The following EXOC4 variants were observed in gnomAD, a reference collection of about 807,000 sequenced individuals.
EXOC4 encodes the protein SEC8-like 1.
A neutral mutation model predicts 107.2 loss-of-function variants in EXOC4; 71 were observed. The ratio of observed to expected loss-of-function variants is 0.66; its 90% CI spans 0.55 to 0.81. The LOEUF is 0.81. Ranked by LOEUF, EXOC4 falls within the 30% of genes least tolerant of loss-of-function variation. The pLI, the probability that EXOC4 is intolerant of heterozygous loss-of-function variation, is 0.00. For synonymous variants in EXOC4, 456 were observed against 441.2 expected (o/e 1.03, Z -0.42); for missense variants, 1,108 against 1,189.6 (o/e 0.93, Z 1.01).
intron 7 of EXOC4, among the ~76,000 whole-genome samples, chr7:133,456,179 C>G (rs1798459046): frequency 6.6e-6 from 1 of 152,210 alleles, no homozygotes; most frequent in Non-Finnish European, 1.5e-5. Flanking sequence ...TATCCATTAT[C>G]ATTAATGATC....
chr7:133,401,410 C>T (rs1318522890), intron 7 of EXOC4, among the ~76,000 whole-genome samples: 1 of 151,834 alleles, frequency 6.6e-6, no homozygotes, highest in Non-Finnish European at 1.5e-5. Context: ...TCCCGTAATA[C>T]CAGAACTTTG....
intron 10 of EXOC4, among the ~76,000 whole-genome samples, chr7:133,694,948 G>C (rs569029635): frequency 2.0e-5 from 3 of 152,050 alleles, no homozygotes; most frequent in African/African-American, 7.2e-5. Context: ...TCAGCCTCCC[G>C]AGTAGCTGGG....
chr7:133,680,007 T>G (rs889965546), intron 10 of EXOC4, among the ~76,000 whole-genome samples: 8 of 152,174 alleles, frequency 5.3e-5, no homozygotes, highest in African/African-American at 1.4e-4. Flanking sequence ...TTTATTTAAG[T>G]AATTTATATG....
At chr7:133,821,168 G>T (rs1797511859) in intron 11 of EXOC4, among the ~76,000 whole-genome samples, 1 of 152,204 alleles carries the variant, frequency 6.6e-6, no homozygotes, top group East Asian at 1.9e-4. Flanking sequence ...CACTTTAGTA[G>T]CATTTACTGT....
intron 17 of EXOC4, among the ~76,000 whole-genome samples, chr7:134,037,746 C>T (rs759652349): frequency 1.3e-5 from 2 of 152,194 alleles, no homozygotes; most frequent in Non-Finnish European, 2.9e-5. Flanking sequence ...AGCAATTGCT[C>T]TAGGTTCAAA....
At chr7:133,579,989 C>G (rs1364709350) in intron 9 of EXOC4, among the ~76,000 whole-genome samples, 4 of 152,206 alleles carry the variant, frequency 2.6e-5, no homozygotes, top group Non-Finnish European at 4.4e-5. Context: ...GCCACTGCGC[C>G]CGGCCCACAA....
At chr7:133,308,923 C>A (rs984795172) in intron 4 of EXOC4, among the ~76,000 whole-genome samples, 2 of 152,184 alleles carry the variant, frequency 1.3e-5, no homozygotes, top group Non-Finnish European at 2.9e-5. Flanking sequence ...TTTCCATCTT[C>A]CCATATAGCT....
chr7:133,459,937 A>C (rs1798551439), intron 7 of EXOC4, among the ~76,000 whole-genome samples: 1 of 152,264 alleles, frequency 6.6e-6, no homozygotes, highest in Non-Finnish European at 1.5e-5. Flanking sequence ...AAAAGATCAA[A>C]ATAAAGAATT....
chr7:133,643,575 A>G (rs1802913778), intron 10 of EXOC4, among the ~76,000 whole-genome samples: 1 of 152,118 alleles, frequency 6.6e-6, no homozygotes, highest in African/African-American at 2.4e-5. Context: ...ATCATACATA[A>G]TCTTAAAATA....
At chr7:133,953,479 T>A (rs1284003141) in intron 14 of EXOC4, among the ~76,000 whole-genome samples, 1 of 136,946 alleles carries the variant, frequency 7.3e-6, no homozygotes, top group Non-Finnish European at 1.7e-5. Context: ...GCCCCATTTG[T>A]ACAAAAAAAA....
chr7:134,096,444 A>G, the EXOC4 span, among the ~76,000 whole-genome samples: 2 of 152,192 alleles, frequency 1.3e-5, no homozygotes, highest in Non-Finnish European at 2.9e-5. Context: ...GACAGAACTA[A>G]TGGGATATAG....
chr7:133,920,041 C>T (rs571725278), intron 13 of EXOC4, among the ~76,000 whole-genome samples: 213 of 152,294 alleles, frequency 1.4e-3, no homozygotes, highest in African/African-American at 4.8e-3. Context: ...CACATTCTTG[C>T]CAACATTTGA....
chr7:133,313,800 T>C (rs918874526), intron 4 of EXOC4, among the ~76,000 whole-genome samples: 33 of 152,132 alleles, frequency 2.2e-4, no homozygotes, highest in African/African-American at 8.0e-4. Context: ...GTTGCTTGTT[T>C]TGGGTTTAAT....
At chr7:134,095,025 G>T in the EXOC4 span, among the ~76,000 whole-genome samples, 2 of 151,932 alleles carry the variant, frequency 1.3e-5, no homozygotes, top group Admixed American at 6.6e-5. Context: ...CTCTCTTTGT[G>T]GATGATAGGA....
At chr7:133,307,429 C>T (rs563779230) in intron 4 of EXOC4, among the ~76,000 whole-genome samples, 1 of 152,122 alleles carries the variant, frequency 6.6e-6, no homozygotes, top group Non-Finnish European at 1.5e-5. Flanking sequence ...GAAGAGATTT[C>T]TTCCCATACA....
At chr7:134,042,908 A>G (rs1795553194) in intron 17 of EXOC4, among the ~76,000 whole-genome samples, 1 of 152,158 alleles carries the variant, frequency 6.6e-6, no homozygotes, top group Non-Finnish European at 1.5e-5. Context: ...GTGGTGGCGC[A>G]TGCCTGTAAT....
chr7:133,922,863 A>T (rs1328876327), intron 13 of EXOC4, among the ~76,000 whole-genome samples: 2 of 151,808 alleles, frequency 1.3e-5, no homozygotes, highest in South Asian at 2.1e-4. Flanking sequence ...AAAAAAAAAA[A>T]TTTATACATG....
chr7:133,924,624 A>T (rs1246394012), intron 13 of EXOC4, among the ~76,000 whole-genome samples: 1 of 152,226 alleles, frequency 6.6e-6, no homozygotes, highest in East Asian at 1.9e-4. Flanking sequence ...GCAAAGTGTA[A>T]TCTTAAGTGT....
At chr7:133,386,697 C>A (rs1171379774) in intron 7 of EXOC4, among the ~76,000 whole-genome samples, 1 of 152,156 alleles carries the variant, frequency 6.6e-6, no homozygotes, top group Non-Finnish European at 1.5e-5. Context: ...ATATTTTATG[C>A]CCTTGACTTT....
Sources: gnomAD v4.1 joint callset for allele counts (sites outside exome capture counted in the v4.1 genomes callset) on GRCh38, gnomAD v4.1.1 for gene constraint, MANE v1.5 for transcripts, NCBI Gene and HGNC (gene_info 2026-07-23, HGNC 2026-07-21) for gene names.